PRADC1: variants seen among roughly 807,000 people sequenced by gnomAD.
PRADC1 encodes the protein protease-associated domain-containing protein 1.
A neutral mutation model predicts 22.9 loss-of-function variants in PRADC1; 23 were observed. The ratio of observed to expected loss-of-function variants is 1.00; its 90% confidence interval spans 0.72 to 1.42. PRADC1 has a LOEUF of 1.42. Ranked by LOEUF, PRADC1 falls within the 40% of genes most tolerant of loss-of-function variation. PRADC1 has a pLI of 0.00. For synonymous variants in PRADC1, 71 were observed against 100.3 expected (o/e 0.71, Z 1.75); for missense variants, 207 against 258.3 (o/e 0.80, Z 1.36).
chr2:73,233,047 G>A lies in PRADC1; in HGVS notation c.67+47C>T, dbSNP rs957509249. 20 of 1,521,210 alleles carry A rather than the reference G, an allele frequency of 1.3e-5. No individual in the cohort carries two copies. In the South Asian group the frequency reaches 1.4e-4, roughly 11 times the overall value. The allele number at this position is 1,521,210 out of a possible 1,614,324, so 94.2% of individuals were successfully genotyped here. A position where few individuals can be genotyped will look rare whatever the true frequency, so the allele number is the denominator to read the frequency against. ...CCCAACCCGAGACGCGCGCAAGCTG[G>A]ACGGCCAGCCCCGCCCTGCAACGCA... On this transcript the variant is annotated intron_variant, in intron 1 of 4. Coordinates refer to ENST00000258083, the MANE Select transcript of PRADC1 (RefSeq NM_032319.3).
intron 2 of PRADC1, 30 bp from the exon 3 acceptor site, chr2:73,229,600 A>G (rs1686597361): frequency 6.4e-7 from 1 of 1,555,530 alleles, no homozygotes. Context: ...TGGACAGGTG[A>G]GAGTGTAATG....
Position 73,228,482 on chromosome 2 carries a change from A to T in PRADC1, c.539T>A (p.Leu180Gln). Reference sequence around the variant, plus strand: ...CCAGAAGGTCCAGGGCGGTTGCAGCAGCTCAAAGGTGGGGATGCTGGTGAC... The same window carrying T: ...CCAGAAGGTCCAGGGCGGTTGCAGCTGCTCAAAGGTGGGGATGCTGGTGAC... ...VNVTSIPTFELLQPPWTFW is the reference protein window; with the variant it reads ...VNVTSIPTFEQLQPPWTFW Residue 180 changes from leucine to glutamine, a missense_variant, in exon 5 of 5, where the codon CTG becomes CAG. By Grantham distance (113) the Leu-to-Gln change is moderately radical. Transcript: ENST00000258083. This position sits in a 1 kb window ranked among gnomAD's most constrained non-coding sequence, Gnocchi z 4.0. The T allele has an allele frequency of 1.9e-6, 3 of 1,614,222 alleles. No homozygotes were observed. Among genetic ancestry groups the T allele is most frequent in the Non-Finnish European group, 2.5e-6 (3 of 1,180,032 alleles).
At chr2:73,230,714 G>A (rs968940240) in intron 1 of PRADC1, among the ~76,000 whole-genome samples, 3 of 152,216 alleles carry the variant, frequency 2.0e-5, no homozygotes, top group African/African-American at 7.2e-5. Flanking sequence ...TAGCAATTAT[G>A]AGCACATCAC....
At chr2:73,230,356 G>C (rs781175413) in intron 1 of PRADC1, 143 bp from the exon 2 acceptor site, 54 of 639,502 alleles carry the variant, frequency 8.4e-5, no homozygotes, top group Non-Finnish European at 1.4e-4. Context: ...ACTAGTGGCA[G>C]GGTTGGGGGC....
At chr2:73,229,423 C>CCTGCCCACTCCTCGTGTCCTGT in intron 3 of PRADC1, 38 bp downstream of exon 3, 1 of 1,368,130 alleles carries the variant, frequency 7.3e-7, no homozygotes, top group Non-Finnish European at 1.0e-6. Context: ...CTGCCGTATG[C>CCTGCCCACTCCTCGTGTCCTGT]CTGCCCACTC....
intron 1 of PRADC1, among the ~76,000 whole-genome samples, chr2:73,232,196 G>A (rs1686657441): frequency 6.6e-6 from 1 of 152,102 alleles, no homozygotes; most frequent in African/African-American, 2.4e-5. Flanking sequence ...AATTAGCCGG[G>A]CGTGGTGGTG....
At position 73,228,489 on chromosome 2, in the gene PRADC1, A is replaced by G; in HGVS notation, c.532T>C (p.Phe178Leu). The change falls in exon 5 of 5, where the codon TTT becomes CTT. Residue 178 changes from phenylalanine to leucine, a missense_variant. Phe to Leu is a conservative substitution (Grantham distance 22, BLOSUM62 0). Coordinates refer to ENST00000258083, the MANE Select transcript of PRADC1 (RefSeq NM_032319.3). The surrounding 1 kb of genome is among the most constrained non-coding windows in gnomAD (Gnocchi z 4.0). ...GTCCAGGGCGGTTGCAGCAGCTCAA[A>G]GGTGGGGATGCTGGTGACATTGACT... is the stretch of plus-strand genomic sequence containing the variant. ...IPVNVTSIPTFELLQPPWTFW is the reference protein window; with the variant it reads ...IPVNVTSIPTLELLQPPWTFW 2 of 1,614,176 alleles carry G rather than the reference A, an allele frequency of 1.2e-6. No homozygotes were observed. Among genetic ancestry groups the G allele is most frequent in the Non-Finnish European group, 1.7e-6 (2 of 1,180,032 alleles).
chr2:73,228,659 A>C lies in PRADC1; in HGVS notation c.447-85T>G. The C allele has an allele frequency of 6.2e-7, 1 of 1,601,954 alleles. No individual in the cohort carries two copies. The highest frequency in any genetic ancestry group is 8.5e-7 in the Non-Finnish European group (1 of 1,171,956). On this transcript the variant is annotated intron_variant, in intron 4 of 4. Coordinates refer to ENST00000258083, the MANE Select transcript of PRADC1 (RefSeq NM_032319.3). The surrounding 1 kb of genome is among the most constrained non-coding windows in gnomAD (Gnocchi z 4.0). ...CTGTCCCCATCAATCTGGGAGTTCC[A>C]AAGCCCGAGATCTTTTTTTGCCCTC...
chr2:73,229,192 G>A (rs888017263), intron 3 of PRADC1, among the ~76,000 whole-genome samples: 5 of 151,330 alleles, frequency 3.3e-5, no homozygotes, highest in Admixed American at 6.6e-5. Context: ...ACGTGATCTC[G>A]GCTCACTGCA....
intron 3 of PRADC1, 81 bp downstream of exon 3, chr2:73,229,380 C>T (rs1686583767): frequency 1.0e-6 from 1 of 994,414 alleles, no homozygotes; most frequent in Non-Finnish European, 1.6e-6. Flanking sequence ...AAAAACAGCT[C>T]TTTCAAAGCA....
intron 1 of PRADC1, among the ~76,000 whole-genome samples, chr2:73,232,102 G>C (rs1039541527): frequency 6.6e-6 from 1 of 152,210 alleles, no homozygotes; most frequent in Middle Eastern, 3.4e-3. Flanking sequence ...TTGGGAGGCC[G>C]AGGCGGGCAG....
At position 73,230,208 on chromosome 2, in the gene PRADC1, G is replaced by C. The variant is rs754139520; in HGVS notation, c.73C>G (p.Arg25Gly). ...TGAAAGTACAAATAATCATGGATAC[G>C]GAAGCCTGAAGGATAAAGAGTACAG... ...LPACVAAHGF[R>G]IHDYLYFQVL... Residue 25 changes from arginine (R) to glycine (G), a missense_variant, in exon 2 of 5, where the codon CGT (arginine) becomes GGT (glycine). Arg to Gly is a moderately radical substitution (Grantham distance 125). Coordinates refer to ENST00000258083, the MANE Select transcript of PRADC1 (RefSeq NM_032319.3). 6.2e-7 allele frequency: 1 copy of C among 1,612,082 alleles called. No homozygotes were observed. The highest frequency in any genetic ancestry group is 1.3e-5 in the African/African-American group (1 of 74,894).
intron 1 of PRADC1, among the ~76,000 whole-genome samples, chr2:73,230,436 G>A (rs192226269): frequency 6.6e-6 from 1 of 152,352 alleles, no homozygotes. Context: ...TATATCAGCT[G>A]CTGCTGCTGC....
Position 73,228,432 on chromosome 2 carries a change from C to G in PRADC1, c.*22G>C. 1 of 1,613,280 alleles carries G rather than the reference C, an allele frequency of 6.2e-7. No homozygotes were observed. Among genetic ancestry groups the G allele is most frequent in the African/African-American group, 1.3e-5 (1 of 75,026 alleles). ...CTTCCCAGCTCAGAGTCACTTATGG[C>G]TGGAATGTGGGACAAACTCTTCTAC... On this transcript the variant is annotated 3_prime_UTR_variant, in exon 5 of 5. Transcript: ENST00000258083. This position sits in a 1 kb window ranked among gnomAD's most constrained non-coding sequence, Gnocchi z 4.0.
Position 73,233,165 on chromosome 2 carries a change from A to AGGGCC in PRADC1, c.-10_-6dup, listed in dbSNP as rs70965722. On this transcript the variant is annotated 5_prime_UTR_variant, in exon 1 of 5. Transcript: ENST00000258083. ...GCCCGCGGCGCCGGGGACCATCTCC[A>AGGGCC]GGGCCGGGCCCGGCCCGGCGCCGCG... The AGGGCC allele has an allele frequency of 3.3e-5, 46 of 1,387,898 alleles. No individual in the cohort carries two copies. Among genetic ancestry groups the AGGGCC allele is most frequent in the Non-Finnish European group, 3.8e-5 (41 of 1,079,248 alleles). The allele number at this position is 1,387,898 out of a possible 1,614,324, so 86.0% of individuals were successfully genotyped here. A position where few individuals can be genotyped will look rare whatever the true frequency, so the allele number is the denominator to read the frequency against.
chr2:73,230,849 T>G (rs553995246), intron 1 of PRADC1, among the ~76,000 whole-genome samples: 1 of 152,362 alleles, frequency 6.6e-6, no homozygotes, highest in African/African-American at 2.4e-5. Context: ...CTCCATCCTG[T>G]GTTCAAGCTA....
At chr2:73,232,721 G>C (rs1025402564) in intron 1 of PRADC1, among the ~76,000 whole-genome samples, 1 of 152,320 alleles carries the variant, frequency 6.6e-6, no homozygotes, top group Admixed American at 6.5e-5. Context: ...GTGCGTGTGT[G>C]CCCACGTGTA....
chr2:73,231,071 TAAATG>T (rs1686625714), intron 1 of PRADC1, among the ~76,000 whole-genome samples: 1 of 152,270 alleles, frequency 6.6e-6, no homozygotes, highest in Non-Finnish European at 1.5e-5. Flanking sequence ...TACTTTTTAA[TAAATG>T]GGGACTTTCA....
At chr2:73,231,243 C>T (rs1416068527) in intron 1 of PRADC1, among the ~76,000 whole-genome samples, 1 of 152,132 alleles carries the variant, frequency 6.6e-6, no homozygotes, top group Non-Finnish European at 1.5e-5. Context: ...CCTCAGCCTC[C>T]GGAGTAGCTG....
Sources: allele counts gnomAD v4.1 joint callset (sites outside exome capture counted in the v4.1 genomes callset), GRCh38; gene constraint gnomAD v4.1.1; non-coding constraint Gnocchi (gnomAD v3.1); transcripts MANE v1.5; gene names NCBI Gene and HGNC (gene_info 2026-07-23, HGNC 2026-07-21).